RYR3: variants seen among roughly 807,000 people sequenced by gnomAD.
The protein encoded by RYR3 is brain ryanodine receptor-calcium release channel.
A neutral mutation model predicts 584.3 loss-of-function variants in RYR3; 207 were observed. The ratio of observed to expected loss-of-function variants is 0.35; its 90% CI spans 0.32 to 0.40. The LOEUF is 0.40. Ranked by LOEUF, RYR3 falls within the 10% of genes least tolerant of loss-of-function variation. The probability of loss-of-function intolerance (pLI) is 1.00; values close to 1 mark genes in which losing one functional copy is unlikely to be tolerated. For synonymous variants in RYR3, 2,416 were observed against 2,248.5 expected (o/e 1.07, Z -2.11); for missense variants, 5,616 against 6,089.2 (o/e 0.92, Z 2.59).
At chr15:33,783,709 AAG>A (rs1355755922) in intron 65 of RYR3, among the ~76,000 whole-genome samples, 1 of 152,104 alleles carries the variant, frequency 6.6e-6, no homozygotes, top group African/African-American at 2.4e-5. Context: ...GTAGAACCTC[AAG>A]GTAGAATGTT....
At position 33,425,790 on chromosome 15, in the gene RYR3, C is replaced by T. The variant is rs189596621; in HGVS notation, c.52-47629C>T. Among the ~76,000 whole-genome samples, 492 of 151,880 alleles carry T rather than the reference C, an allele frequency of 3.2e-3. 1 individual carries two copies. Among genetic ancestry groups the T allele is most frequent in the East Asian group, 0.015 (78 of 5,122 alleles). On this transcript the variant is annotated intron_variant, in intron 1 of 103. Transcript: ENST00000634891. ...CCGAGTAGCTGGGACTACAGGCGCCCGCCACCACACCCGGCTAATTTTTTT... is the reference window on the plus strand; with the variant it reads ...CCGAGTAGCTGGGACTACAGGCGCCTGCCACCACACCCGGCTAATTTTTTT...
At chr15:33,612,256 A>T (rs2060232022) in intron 18 of RYR3, among the ~76,000 whole-genome samples, 2 of 152,256 alleles carry the variant, frequency 1.3e-5, no homozygotes, top group African/African-American at 4.8e-5. Context: ...AGATGTGAAG[A>T]AGTTTTTTAA....
At chr15:33,531,278 A>G (rs1326478023) in intron 4 of RYR3, among the ~76,000 whole-genome samples, 4 of 152,020 alleles carry the variant, frequency 2.6e-5, no homozygotes, top group Non-Finnish European at 5.9e-5. Flanking sequence ...ATGATGCCTC[A>G]ATGTAACTTG....
chr15:33,613,502 A>G (rs2060299795), intron 19 of RYR3, 127 bp downstream of exon 19: 2 of 989,798 alleles, frequency 2.0e-6, no homozygotes, highest in South Asian at 3.5e-5. Context: ...CAGGACAGTG[A>G]TGGTGCAAGG....
intron 93 of RYR3, among the ~76,000 whole-genome samples, chr15:33,845,720 G>A (rs2078683089): frequency 6.6e-6 from 1 of 152,188 alleles, no homozygotes; most frequent in African/African-American, 2.4e-5. Flanking sequence ...AGCTAGTCAT[G>A]ACAGAATCTT....
chr15:33,850,076 C>T (rs2078992191), intron 94 of RYR3: 2 of 152,150 alleles, frequency 1.3e-5, no homozygotes, highest in Admixed American at 6.6e-5. Context: ...CTAAAAGTCC[C>T]AGTAAGAAGG....
Position 33,756,345 on chromosome 15 carries a change from G to A in RYR3, c.8555G>A (p.Arg2852His), listed in dbSNP as rs150799181. The A allele has an allele frequency of 4.6e-4, 729 of 1,579,484 alleles. 3 individuals are homozygous for A. In the African/African-American group the frequency reaches 8.3e-3, roughly 18 times the overall value. Residue 2852 changes from arginine (R) to histidine (H), a missense_variant, in exon 59 of 104, where the codon CGT (arginine) becomes CAT (histidine). By Grantham distance (29) the Arg-to-His change is conservative. This residue lies in a region of RYR3 where 1,280 missense variants were observed against 1,426.2 expected (regional missense o/e 0.90). Transcript: ENST00000634891. ...VSSGKTEKSP[R>H]DQEIKFFAKV... ...AGTGGGAAAACTGAAAAGTCTCCCC[G>A]TGACCAGGAGATCAAATTCTTTGCC...
At chr15:33,397,323 G>A (rs2459472) in intron 1 of RYR3, among the ~76,000 whole-genome samples, 3 of 152,154 alleles carry the variant, frequency 2.0e-5, no homozygotes, top group Non-Finnish European at 2.9e-5. Context: ...AAGGTGATAC[G>A]GACACAAGCA....
chr15:33,706,771 T>G (rs1208657094), intron 42 of RYR3, 148 bp from the exon 43 acceptor site: 6 of 671,742 alleles, frequency 8.9e-6, no homozygotes, highest in African/African-American at 1.8e-5. Flanking sequence ...TTTTCCACAG[T>G]GGCTGTACCA....
chr15:33,817,852 G>A (rs1184251497), intron 75 of RYR3, among the ~76,000 whole-genome samples: 2 of 152,156 alleles, frequency 1.3e-5, no homozygotes, highest in Non-Finnish European at 2.9e-5. Flanking sequence ...TACAACCCAT[G>A]TAGTTCTCAC....
intron 45 of RYR3, among the ~76,000 whole-genome samples, chr15:33,725,756 G>A (rs930680707): frequency 2.7e-5 from 4 of 148,952 alleles, no homozygotes; most frequent in Non-Finnish European, 3.0e-5. Context: ...TCAGGAGATC[G>A]AGACCATGCT....
At chr15:33,500,072 A>T (rs1443601488) in intron 2 of RYR3, among the ~76,000 whole-genome samples, 1 of 152,186 alleles carries the variant, frequency 6.6e-6, no homozygotes, top group Non-Finnish European at 1.5e-5. Context: ...GTTCAAGAAG[A>T]CTTGAGTTGG....
intron 27 of RYR3, among the ~76,000 whole-genome samples, chr15:33,637,469 G>A (rs939503518): frequency 2.0e-5 from 3 of 152,228 alleles, no homozygotes; most frequent in Non-Finnish European, 4.4e-5. Flanking sequence ...TGGATCAGGA[G>A]ACCTGGACGC....
chr15:33,821,457 A>C, intron 79 of RYR3, 66 bp from the exon 80 acceptor site: 1 of 1,601,228 alleles, frequency 6.2e-7, no homozygotes, highest in Admixed American at 1.7e-5. Flanking sequence ...GAGCCCTGCT[A>C]AGGCCCAGGA....
At chr15:33,736,965 G>A (rs1017830503) in intron 49 of RYR3, among the ~76,000 whole-genome samples, 3 of 152,098 alleles carry the variant, frequency 2.0e-5, no homozygotes, top group Admixed American at 6.6e-5. Flanking sequence ...TCACCATGTT[G>A]GCCAGGCTGG....
chr15:33,497,033 T>C (rs1040661668), intron 2 of RYR3, among the ~76,000 whole-genome samples: 2 of 152,146 alleles, frequency 1.3e-5, no homozygotes, highest in African/African-American at 4.8e-5. Context: ...AAGGACTGAC[T>C]ACCTGCATGG....
intron 67 of RYR3, among the ~76,000 whole-genome samples, chr15:33,790,742 T>C (rs553485259): frequency 6.6e-6 from 1 of 151,784 alleles, no homozygotes; most frequent in African/African-American, 2.4e-5. Context: ...TGAGACTAGA[T>C]GAGATAAGTA....
intron 74 of RYR3, among the ~76,000 whole-genome samples, chr15:33,816,350 C>T (rs1030274570): frequency 1.2e-4 from 18 of 152,174 alleles, no homozygotes; most frequent in Admixed American, 5.9e-4. Flanking sequence ...TAAACCTTGT[C>T]GTGCTAAGTA....
In RYR3 at chr15:33,635,622, G is replaced by C; in HGVS notation, c.3184G>C (p.Ala1062Pro). 1.2e-6 allele frequency: 2 copies of C among 1,613,418 alleles called. No homozygotes were observed. The highest frequency in any genetic ancestry group is 1.7e-5 in the Admixed American group (1 of 60,006). The change falls in exon 26 of 104, where the codon GCT becomes CCT. Residue 1062 changes from alanine (A) to proline (P), a missense_variant. By Grantham distance (27) the Ala-to-Pro change is conservative. Around this residue, in one of 9 missense-constraint regions of RYR3, gnomAD observed 1,284 missense variants for 1,344.6 expected, o/e 0.95. Transcript: ENST00000634891. Reference sequence around the variant, plus strand: ...CTTTCTTCTCACAATAGCTGACTCGGCTGTGGAGAAGGTCAGCATAGACAA... The same window carrying C: ...CTTTCTTCTCACAATAGCTGACTCGCCTGTGGAGAAGGTCAGCATAGACAA... ...EPSDQELADS[A>P]VEKVSIDKIR...
Sources: allele counts gnomAD v4.1 joint callset (sites outside exome capture counted in the v4.1 genomes callset), GRCh38; gene constraint gnomAD v4.1.1; regional missense constraint gnomAD v4.1.1; transcripts MANE v1.5; gene names NCBI Gene and HGNC (gene_info 2026-07-23, HGNC 2026-07-21).